RNLS: variants seen among roughly 807,000 people sequenced by gnomAD.
RNLS encodes the protein renalase, FAD dependent amine oxidase.
Under a neutral mutation model 39.8 loss-of-function variants are expected in RNLS, and 39 were observed. That is an observed-to-expected ratio of 0.98 (90% confidence interval 0.76 to 1.28). The LOEUF (loss-of-function observed/expected upper bound fraction) is 1.28. RNLS is among the 50% of genes most tolerant of loss of function. The probability of loss-of-function intolerance (pLI) is 0.00; values close to 1 mark genes in which losing one functional copy is unlikely to be tolerated. For synonymous variants in RNLS, 147 were observed against 150.7 expected (o/e 0.98, Z 0.18); for missense variants, 410 against 413.3 (o/e 0.99, Z 0.07).
At chr10:88,302,946 C>G (rs952748509) in intron 6 of RNLS, among the ~76,000 whole-genome samples, 22 of 152,162 alleles carry the variant, frequency 1.4e-4, no homozygotes, top group African/African-American at 5.1e-4. Context: ...CTGACATGCT[C>G]CTAATAGATC....
chr10:88,408,293 C>T (rs949470031), intron 4 of RNLS, among the ~76,000 whole-genome samples: 6 of 151,936 alleles, frequency 3.9e-5, no homozygotes, highest in Non-Finnish European at 8.8e-5. Flanking sequence ...GAAACTTCTC[C>T]CTTTCCACAT....
chr10:88,277,339 G>A (rs1406806838), intron 6 of RNLS, among the ~76,000 whole-genome samples: 3 of 149,184 alleles, frequency 2.0e-5, no homozygotes, highest in Non-Finnish European at 3.0e-5. Context: ...GAGGTGGGGG[G>A]TTGGGGGAGG....
chr10:88,277,887 C>G (rs1469559360), intron 6 of RNLS, among the ~76,000 whole-genome samples: 1 of 151,872 alleles, frequency 6.6e-6, no homozygotes, highest in East Asian at 1.9e-4. Flanking sequence ...GGTAGTATCC[C>G]GTTTCTAAAT....
the RNLS span, among the ~76,000 whole-genome samples, chr10:88,264,290 GA>G: frequency 6.6e-6 from 1 of 152,238 alleles, no homozygotes; most frequent in Non-Finnish European, 1.5e-5. Context: ...CATGCATGTG[GA>G]AGTATCTTTT....
chr10:88,552,996 T>C (rs1848673091), intron 4 of RNLS, among the ~76,000 whole-genome samples: 1 of 152,172 alleles, frequency 6.6e-6, no homozygotes, highest in Admixed American at 6.5e-5. Flanking sequence ...TTAGGGGGAA[T>C]AGGGACTATT....
At chr10:88,197,814 G>A in the RNLS span, among the ~76,000 whole-genome samples, 1 of 152,204 alleles carries the variant, frequency 6.6e-6, no homozygotes, top group Non-Finnish European at 1.5e-5. Context: ...AGGAAAGGCC[G>A]TGTGTAGGCA....
the RNLS span, among the ~76,000 whole-genome samples, chr10:88,252,782 C>T: frequency 3.9e-5 from 6 of 152,178 alleles, no homozygotes; most frequent in Non-Finnish European, 5.9e-5. Context: ...CTACCGGGCA[C>T]ATAGTAGGTG....
At chr10:88,356,427 A>G (rs1292079716) in intron 5 of RNLS, among the ~76,000 whole-genome samples, 1 of 152,196 alleles carries the variant, frequency 6.6e-6, no homozygotes, top group East Asian at 1.9e-4. Context: ...GTTTAATTGG[A>G]ATAATCATGA....
At chr10:88,294,703 T>C (rs1484450259) in intron 6 of RNLS, among the ~76,000 whole-genome samples, 1 of 152,204 alleles carries the variant, frequency 6.6e-6, no homozygotes, top group Non-Finnish European at 1.5e-5. Context: ...GGCTGTGTCT[T>C]ACTCATCTTT....
downstream of RNLS, among the ~76,000 whole-genome samples, chr10:88,273,456 T>C (rs547990323): frequency 2.0e-5 from 3 of 152,256 alleles, no homozygotes; most frequent in South Asian, 6.2e-4. Context: ...ATATTGTGGG[T>C]TTTCTCTTAA....
intron 4 of RNLS, among the ~76,000 whole-genome samples, chr10:88,536,587 C>T (rs187956679): frequency 1.3e-5 from 2 of 152,338 alleles, no homozygotes; most frequent in East Asian, 3.9e-4. Flanking sequence ...TCCTACTACG[C>T]TGTCCCTCAT....
At chr10:88,317,685 T>C (rs1275449296) in intron 5 of RNLS, among the ~76,000 whole-genome samples, 2 of 152,246 alleles carry the variant, frequency 1.3e-5, no homozygotes, top group Non-Finnish European at 2.9e-5. Flanking sequence ...GTTTTCAAGA[T>C]GCCTGTCTAG....
intron 4 of RNLS, among the ~76,000 whole-genome samples, chr10:88,501,586 C>T (rs1845487084): frequency 6.6e-6 from 1 of 152,106 alleles, no homozygotes; most frequent in Non-Finnish European, 1.5e-5. Context: ...CTGAGTTCCT[C>T]TAAGGTCTAC....
At chr10:88,198,903 T>A in the RNLS span, among the ~76,000 whole-genome samples, 1 of 152,178 alleles carries the variant, frequency 6.6e-6, no homozygotes, top group Non-Finnish European at 1.5e-5. Flanking sequence ...GGTTGTATGA[T>A]ATTATTAATA....
chr10:88,383,757 T>C (rs1484347840), intron 4 of RNLS, among the ~76,000 whole-genome samples: 2 of 152,196 alleles, frequency 1.3e-5, no homozygotes, highest in Non-Finnish European at 2.9e-5. Flanking sequence ...TTTTAAGTAA[T>C]GATTGTGCTA....
At position 88,434,245 on chromosome 10, in the gene RNLS, A is replaced by G. The variant is rs116927785; in HGVS notation, c.527-71520T>C. Among the ~76,000 whole-genome samples, 479 of 152,282 alleles carry G rather than the reference A, an allele frequency of 3.1e-3. 1 individual carries two copies. The highest frequency in any genetic ancestry group is 6.8e-3 in the Middle Eastern group (2 of 294). On this transcript the variant is annotated intron_variant, in intron 4 of 6. Coordinates refer to ENST00000331772, the MANE Select transcript of RNLS (RefSeq NM_001031709.3). ...ACTAGTCGATGTAGTCATATCGAAA[A>G]CAAGCCAGGTTTTGCCACTTGCAAT...
intron 4 of RNLS, among the ~76,000 whole-genome samples, chr10:88,390,235 A>G (rs1852110888): frequency 6.6e-6 from 1 of 152,208 alleles, no homozygotes; most frequent in African/African-American, 2.4e-5. Flanking sequence ...AATAAAGTGA[A>G]AGTCTCTGGG....
intron 4 of RNLS, among the ~76,000 whole-genome samples, chr10:88,511,454 T>C (rs1403932972): frequency 6.6e-6 from 1 of 152,046 alleles, no homozygotes; most frequent in East Asian, 1.9e-4. Flanking sequence ...TATGGTGCAC[T>C]TACTTGACAA....
the RNLS span, among the ~76,000 whole-genome samples, chr10:88,183,915 T>G: frequency 1.3e-5 from 2 of 152,120 alleles, no homozygotes; most frequent in East Asian, 3.8e-4. Flanking sequence ...AGAGAAGTCA[T>G]AGTTTTCACT....
Sources: allele counts gnomAD v4.1 joint callset (sites outside exome capture counted in the v4.1 genomes callset), GRCh38; gene constraint gnomAD v4.1.1; transcripts MANE v1.5; gene names NCBI Gene and HGNC (gene_info 2026-07-23, HGNC 2026-07-21).